Variants in CPNE4 observed in about 807,000 individuals in gnomAD.
The protein encoded by CPNE4 is copine-4.
Under a neutral mutation model 67.9 loss-of-function variants are expected in CPNE4, and 25 were observed. The ratio of observed to expected loss-of-function variants is 0.37; its 90% CI spans 0.27 to 0.51. The LOEUF (loss-of-function observed/expected upper bound fraction) is 0.51, where lower values mean the gene tolerates loss of function less well. Among genes scored for constraint, CPNE4 ranks in the 20% least tolerant of loss-of-function variants. CPNE4 has a pLI of 0.93. For missense variants in CPNE4, 464 were observed against 690.8 expected (o/e 0.67, Z 3.68); for synonymous variants, 242 against 244.9 (o/e 0.99, Z 0.11).
intron 2 of CPNE4, among the ~76,000 whole-genome samples, chr3:131,734,112 C>A (rs1440631038): frequency 3.3e-5 from 5 of 152,216 alleles, no homozygotes; most frequent in Non-Finnish European, 5.9e-5. Flanking sequence ...GCTTATTAGT[C>A]AATTCCCAAT....
intron 3 of CPNE4, among the ~76,000 whole-genome samples, chr3:131,712,975 A>G (rs1390227202): frequency 6.6e-6 from 1 of 152,158 alleles, no homozygotes; most frequent in East Asian, 1.9e-4. Flanking sequence ...GGTCCTGAGA[A>G]ACTGCCTTAT....
At chr3:131,981,802 T>C (rs2072915762) in intron 1 of CPNE4, among the ~76,000 whole-genome samples, 1 of 152,164 alleles carries the variant, frequency 6.6e-6, no homozygotes, top group African/African-American at 2.4e-5. Flanking sequence ...GCTCTCCAAA[T>C]TGACTCAGCT....
At position 131,982,314 on chromosome 3, in the gene CPNE4, T is replaced by C. The variant is rs72994813; in HGVS notation, c.-2+52253A>G. On this transcript the variant is annotated intron_variant, in intron 1 of 15. Coordinates refer to ENST00000429747, the MANE Select transcript of CPNE4 (RefSeq NM_130808.3). ...TTCAGTAAAAACAGTTGCAAAGATA[T>C]AAATACATTTGTCATGAAATAAGTT... is the stretch of plus-strand genomic sequence containing the variant. 8.2e-3 allele frequency among the ~76,000 whole-genome samples: 1,251 copies of C among 152,288 alleles called. 6 individuals carry two copies. The highest frequency in any genetic ancestry group is 0.026 in the African/African-American group (1,091 of 41,562).
intron 7 of CPNE4, among the ~76,000 whole-genome samples, chr3:131,638,746 T>C (rs910798027): frequency 6.6e-6 from 1 of 152,134 alleles, no homozygotes; most frequent in African/African-American, 2.4e-5. Context: ...TGGAACATTC[T>C]CCAAGATAGA....
At chr3:131,787,258 A>T (rs1364315176) in intron 2 of CPNE4, among the ~76,000 whole-genome samples, 2 of 152,180 alleles carry the variant, frequency 1.3e-5, no homozygotes, top group African/African-American at 4.8e-5. Flanking sequence ...CTGCAGAAGC[A>T]GATGTTGAAG....
intron 2 of CPNE4, among the ~76,000 whole-genome samples, chr3:131,776,262 C>T (rs1455778901): frequency 1.0e-5 from 1 of 99,402 alleles, no homozygotes; most frequent in Non-Finnish European, 2.7e-5. Flanking sequence ...GTCAATACCT[C>T]CTTCAGTAAG....
intron 1 of CPNE4, among the ~76,000 whole-genome samples, chr3:131,980,757 G>A (rs34075203): frequency 0.17 from 25,762 of 151,908 alleles, 2,481 homozygotes; most frequent in Middle Eastern, 0.21. Flanking sequence ...GATTTTTGGG[G>A]GTGTTCATGA....
At chr3:131,662,196 G>C (rs2080143598) in intron 7 of CPNE4, among the ~76,000 whole-genome samples, 1 of 152,150 alleles carries the variant, frequency 6.6e-6, no homozygotes, top group South Asian at 2.1e-4. Flanking sequence ...GGAATAAAGG[G>C]GGAAGTTCCG....
chr3:131,698,084 A>G lies in CPNE4; in HGVS notation c.433-1468T>C, dbSNP rs192093673. 4.2e-3 allele frequency among the ~76,000 whole-genome samples: 637 copies of G among 151,818 alleles called. 2 individuals are homozygous for G. The highest frequency in any genetic ancestry group is 7.3e-3 in the Non-Finnish European group (496 of 67,914). On this transcript the variant is annotated intron_variant, in intron 4 of 15. Coordinates refer to ENST00000429747, the MANE Select transcript of CPNE4 (RefSeq NM_130808.3). ...ATCTGTACTAAAAAAATACAAAAAA[A>G]ATTAGACAGGTGTGGTGGTGGGCGC...
At chr3:131,751,488 A>T (rs927708998) in intron 2 of CPNE4, among the ~76,000 whole-genome samples, 2 of 151,652 alleles carry the variant, frequency 1.3e-5, no homozygotes, top group African/African-American at 4.8e-5. Context: ...TAAAATTTAA[A>T]TTTGGTTCTT....
intron 1 of CPNE4, among the ~76,000 whole-genome samples, chr3:132,007,905 G>A (rs1305929530): frequency 2.6e-5 from 4 of 152,136 alleles, no homozygotes; most frequent in Non-Finnish European, 5.9e-5. Context: ...AGCACAGAGT[G>A]TGGCACAAAG....
At chr3:131,734,390 A>G (rs755858311) in intron 2 of CPNE4, among the ~76,000 whole-genome samples, 1 of 152,172 alleles carries the variant, frequency 6.6e-6, no homozygotes, top group Non-Finnish European at 1.5e-5. Flanking sequence ...CTGTCTCTCA[A>G]TTGAGGGATT....
At chr3:131,780,685 G>A (rs748783396) in intron 2 of CPNE4, among the ~76,000 whole-genome samples, 6 of 152,072 alleles carry the variant, frequency 3.9e-5, no homozygotes, top group Non-Finnish European at 7.4e-5. Flanking sequence ...GAGGGTGGGA[G>A]GAAGATGAGG....
intron 7 of CPNE4, among the ~76,000 whole-genome samples, chr3:131,654,682 C>T (rs2079906079): frequency 6.6e-6 from 1 of 152,192 alleles, no homozygotes; most frequent in African/African-American, 2.4e-5. Context: ...CTGGCCCCAA[C>T]TCAGGAAGGC....
chr3:131,931,427 A>G (rs1195982242), intron 1 of CPNE4, among the ~76,000 whole-genome samples: 1 of 152,164 alleles, frequency 6.6e-6, no homozygotes, highest in African/African-American at 2.4e-5. Flanking sequence ...AGAGAACAAC[A>G]TTCATACCTA....
At chr3:131,549,219 A>T (rs1248268193) in intron 14 of CPNE4, among the ~76,000 whole-genome samples, 1 of 152,160 alleles carries the variant, frequency 6.6e-6, no homozygotes, top group East Asian at 1.9e-4. Flanking sequence ...AGAAGGTTAG[A>T]TGAATTGATG....
intron 2 of CPNE4, among the ~76,000 whole-genome samples, chr3:131,778,207 C>A (rs1465114970): frequency 6.6e-6 from 1 of 151,994 alleles, no homozygotes; most frequent in Non-Finnish European, 1.5e-5. Flanking sequence ...ATTCTTCTGC[C>A]CTTAGAACAC....
intron 2 of CPNE4, among the ~76,000 whole-genome samples, chr3:131,849,146 T>A (rs1031783297): frequency 6.6e-6 from 1 of 152,100 alleles, no homozygotes; most frequent in Non-Finnish European, 1.5e-5. Context: ...TGCTAAGTGA[T>A]CCTGAAGATC....
At chr3:131,555,476 A>G in intron 12 of CPNE4, 21 bp downstream of exon 12, 2 of 1,607,706 alleles carry the variant, frequency 1.2e-6, no homozygotes, top group Non-Finnish European at 1.7e-6. Flanking sequence ...GTGGAAGAAG[A>G]TCACATCTCC....
Sources: gnomAD v4.1 joint callset for allele counts (sites outside exome capture counted in the v4.1 genomes callset) on GRCh38, gnomAD v4.1.1 for gene constraint, MANE v1.5 for transcripts, NCBI Gene and HGNC (gene_info 2026-07-23, HGNC 2026-07-21) for gene names.